The following AKT1 variants were observed in gnomAD, a reference collection of about 807,000 sequenced individuals.
AKT1 encodes the protein AKT serine/threonine kinase 1.
In AKT1, 21 loss-of-function variants were observed where a neutral mutation model predicts 63.1. The observed-to-expected ratio is 0.33, with a 90% CI of 0.24 to 0.48. The LOEUF (loss-of-function observed/expected upper bound fraction) is 0.48, where lower values mean the gene tolerates loss of function less well. Among genes scored for constraint, AKT1 ranks in the 20% least tolerant of loss-of-function variants. AKT1 has a pLI of 0.99. For synonymous variants in AKT1, 257 were observed against 253.1 expected (o/e 1.02, Z -0.15); for missense variants, 382 against 666.0 (o/e 0.57, Z 4.69).
At chr14:104,782,941 C>CTGGGTGGGCGG (rs1425920400) in intron 3 of AKT1, among the ~76,000 whole-genome samples, 1 of 152,118 alleles carries the variant, frequency 6.6e-6, no homozygotes, top group Non-Finnish European at 1.5e-5. Flanking sequence ...ACGAGTTCAG[C>CTGGGTGGGCGG]CCAGACAGGA....
rs758833789 is a variant in AKT1 at position 104,770,764 on chromosome 14, G to A, written c.1344C>T (p.Thr448=). 1 of 1,614,138 alleles carries A rather than the reference G, an allele frequency of 6.2e-7. No homozygotes were observed. Among genetic ancestry groups the A allele is most frequent in the South Asian group, 1.1e-5 (1 of 91,086 alleles). ...CCTCACCTTGGTCAGGTGGTGTGAT[G>A]GTGATCATCTGGGCCGTGAACTCCT... is the stretch of plus-strand genomic sequence containing the variant. ...FDEEFTAQMI[T]ITPPDQDDSM... Residue 448 remains threonine, a synonymous_variant, in exon 14 of 15, where the codon ACC becomes ACT. Coordinates refer to ENST00000649815, the MANE Select transcript of AKT1 (RefSeq NM_001382430.1).
rs1282209036 is a variant in AKT1 at position 104,772,065 on chromosome 14, G to C, written c.1260+300C>G. The stretch of plus-strand genomic sequence containing the variant: ...CAGCGTCAGGGAAGGGAACCCCAAG[G>C]CTGGCACTCAGAGTGTGACACACCT... On this transcript the variant is annotated intron_variant, in intron 13 of 14. Coordinates refer to ENST00000649815, the MANE Select transcript of AKT1 (RefSeq NM_001382430.1). 5.8e-6 allele frequency: 3 copies of C among 520,584 alleles called. No homozygotes were observed. In the East Asian group the frequency reaches 9.8e-5, roughly 17 times the overall value. The allele number at this position is 520,584 out of a possible 1,614,324, so 32.2% of individuals were successfully genotyped here. A position where few individuals can be genotyped will look rare whatever the true frequency, so the allele number is the denominator to read the frequency against.
intron 4 of AKT1, among the ~76,000 whole-genome samples, chr14:104,778,959 G>A (rs1892877367): frequency 6.6e-6 from 1 of 152,192 alleles, no homozygotes; most frequent in South Asian, 2.1e-4. Flanking sequence ...CATACAGATG[G>A]CCCACAACTG....
At chr14:104,789,375 G>A (rs764761194) in intron 3 of AKT1, among the ~76,000 whole-genome samples, 7 of 152,218 alleles carry the variant, frequency 4.6e-5, no homozygotes, top group East Asian at 1.9e-4. Context: ...AGCTCTCCAC[G>A]GGGCTAGGCT....
intron 9 of AKT1, 113 bp downstream of exon 9, chr14:104,773,799 G>A (rs907104396): frequency 7.1e-6 from 9 of 1,265,310 alleles, no homozygotes; most frequent in Middle Eastern, 2.7e-4. Context: ...CACCCACCCA[G>A]CAGGGAGCAC....
intron 13 of AKT1, 58 bp downstream of exon 13, chr14:104,772,306 CG>C: frequency 6.3e-7 from 1 of 1,575,232 alleles, no homozygotes; most frequent in Non-Finnish European, 8.7e-7. Flanking sequence ...CACGTGCATG[CG>C]TGAGTGTGGA....
intron 13 of AKT1, chr14:104,772,074 C>CA (rs774717864): frequency 1.3e-4 from 69 of 530,148 alleles, no homozygotes; most frequent in Non-Finnish European, 2.1e-4. Context: ...GGCTGGCACT[C>CA]AGAGTGTGAC....
chr14:104,770,084 T>A lies in AKT1; in HGVS notation c.*257A>T. ...TAACATTTCCCTACGTGAATCGGAT[T>A]GTTCTGAGGGCTGAGGCCACACCCG... On this transcript the variant is annotated 3_prime_UTR_variant, in exon 15 of 15. Transcript: ENST00000649815. 1 of 566,782 alleles carries A rather than the reference T, an allele frequency of 1.8e-6. No individual in the cohort carries two copies. The highest frequency in any genetic ancestry group is 3.2e-6 in the Non-Finnish European group (1 of 315,492). 35.1% of individuals were successfully genotyped at this position (566,782 alleles called of 1,614,324 possible). A position where few individuals can be genotyped will look rare whatever the true frequency, so the allele number is the denominator to read the frequency against.
At chr14:104,791,760 T>C (rs1893639869) in intron 3 of AKT1, among the ~76,000 whole-genome samples, 2 of 152,100 alleles carry the variant, frequency 1.3e-5, no homozygotes, top group Non-Finnish European at 2.9e-5. Flanking sequence ...GCTGCTGGCA[T>C]GAGATCACTA....
intron 3 of AKT1, among the ~76,000 whole-genome samples, chr14:104,781,918 A>C (rs1008686600): frequency 3.3e-5 from 5 of 152,044 alleles, no homozygotes; most frequent in Admixed American, 1.3e-4. Flanking sequence ...AGGAGACCCC[A>C]CCCACTCCGC....
intron 3 of AKT1, among the ~76,000 whole-genome samples, chr14:104,780,885 C>T (rs150576226): frequency 6.6e-5 from 10 of 152,328 alleles, no homozygotes; most frequent in African/African-American, 2.4e-4. Flanking sequence ...GCCGATGAAG[C>T]CAGACACGGA....
chr14:104,787,389 G>A (rs879091403), intron 3 of AKT1, among the ~76,000 whole-genome samples: 2 of 152,046 alleles, frequency 1.3e-5, no homozygotes, highest in East Asian at 1.9e-4. Context: ...AGGCACAATG[G>A]TCCAAGCAGA....
intron 2 of AKT1, 156 bp from the exon 3 acceptor site, chr14:104,792,878 A>C: frequency 1.7e-6 from 1 of 592,828 alleles, no homozygotes; most frequent in Non-Finnish European, 3.0e-6. Flanking sequence ...TCTGACCCCC[A>C]TCTGCCCGCC....
intron 4 of AKT1, 149 bp from the exon 5 acceptor site, chr14:104,776,919 T>G: frequency 1.6e-6 from 1 of 631,312 alleles, no homozygotes; most frequent in East Asian, 2.8e-5. Context: ...AAGCCTCAGT[T>G]TCTCGCCTCA....
At position 104,773,900 on chromosome 14, in the gene AKT1, C is replaced by T; in HGVS notation, c.702+12G>A. The T allele has an allele frequency of 2.5e-6, 4 of 1,600,796 alleles. No individual in the cohort carries two copies. In the African/African-American group the frequency reaches 4.0e-5, roughly 16 times the overall value. Reference sequence around the variant, plus strand: ...GGCCGCGAAGTCCATCCCCCGCAGCCCCAGCCCCTACCTCGCCCCCGTTGG... The same window carrying T: ...GGCCGCGAAGTCCATCCCCCGCAGCTCCAGCCCCTACCTCGCCCCCGTTGG... On this transcript the variant is annotated intron_variant, in intron 9 of 14. Coordinates refer to ENST00000649815, the MANE Select transcript of AKT1 (RefSeq NM_001382430.1).
Position 104,795,161 on chromosome 14 carries a change from A to G in AKT1, c.-258+323T>C, listed in dbSNP as rs1192566927. On this transcript the variant is annotated intron_variant, in intron 1 of 14. Coordinates refer to ENST00000649815, the MANE Select transcript of AKT1 (RefSeq NM_001382430.1). This position sits in a 1 kb window ranked among gnomAD's most constrained non-coding sequence, Gnocchi z 5.1. ...GGGGAGCCCCACGGCCCGCAGGGGC[A>G]CCCCGAGCCCCAGCTCCAGGCCCGG... 6.6e-6 allele frequency: 1 copy of G among 151,596 alleles called. No homozygotes were observed. The highest frequency in any genetic ancestry group is 2.4e-5 in the African/African-American group (1 of 41,276). 9.4% of individuals were successfully genotyped at this position (151,596 alleles called of 1,614,324 possible). A position where few individuals can be genotyped will look rare whatever the true frequency, so the allele number is the denominator to read the frequency against.
chr14:104,774,271 C>G (rs924509009), intron 8 of AKT1: 6 of 486,812 alleles, frequency 1.2e-5, no homozygotes, highest in South Asian at 2.2e-5. Context: ...TCATGCCACG[C>G]CACCATCAGG....
chr14:104,784,800 C>T (rs545648924), intron 3 of AKT1, among the ~76,000 whole-genome samples: 14 of 152,182 alleles, frequency 9.2e-5, no homozygotes, highest in Non-Finnish European at 1.6e-4. Flanking sequence ...AGGACCCACG[C>T]GCCATGGGCA....
chr14:104,787,219 C>T (rs1313523357), intron 3 of AKT1, among the ~76,000 whole-genome samples: 1 of 152,180 alleles, frequency 6.6e-6, no homozygotes, highest in Admixed American at 6.5e-5. Context: ...CACCTAAAGG[C>T]GGCATGGCAG....
Sources: gnomAD v4.1 joint callset for allele counts (sites outside exome capture counted in the v4.1 genomes callset) on GRCh38, gnomAD v4.1.1 for gene constraint, Gnocchi (gnomAD v3.1) non-coding constraint, MANE v1.5 for transcripts, NCBI Gene and HGNC (gene_info 2026-07-23, HGNC 2026-07-21) for gene names.